KDM4C: variants seen among roughly 807,000 people sequenced by gnomAD.
KDM4C encodes lysine demethylase 4C.
KDM4C carries 81 observed loss-of-function variants against 129.3 expected under a neutral mutation model. The ratio of observed to expected loss-of-function variants is 0.63; its 90% confidence interval spans 0.52 to 0.75. The LOEUF is 0.75. Ranked by LOEUF, KDM4C falls within the 30% of genes least tolerant of loss-of-function variation. KDM4C has a pLI of 0.00. For missense variants in KDM4C, 1,457 were observed against 1,304.0 expected (o/e 1.12, Z -1.81); for synonymous variants, 573 against 456.1 (o/e 1.26, Z -3.26).
chr9:6,933,188 T>A (rs1824080005), intron 8 of KDM4C, among the ~76,000 whole-genome samples: 1 of 152,220 alleles, frequency 6.6e-6, no homozygotes, highest in African/African-American at 2.4e-5. Context: ...ATTCTGGAAT[T>A]TTTCTATGGG....
chr9:7,159,238 C>A (rs914278550), intron 19 of KDM4C, among the ~76,000 whole-genome samples: 3 of 152,160 alleles, frequency 2.0e-5, no homozygotes, highest in Non-Finnish European at 4.4e-5. Flanking sequence ...TGCACATGAG[C>A]TGGGTCTTCC....
intron 8 of KDM4C, among the ~76,000 whole-genome samples, chr9:6,912,997 TTAA>T: frequency 6.6e-6 from 1 of 151,768 alleles, no homozygotes; most frequent in East Asian, 2.0e-4. Context: ...GTTGAGGAAT[TTAA>T]CAAAAAATAA....
intron 8 of KDM4C, among the ~76,000 whole-genome samples, chr9:6,932,236 C>G (rs1177554610): frequency 6.6e-6 from 1 of 152,318 alleles, no homozygotes; most frequent in South Asian, 2.1e-4. Flanking sequence ...CCCTTCAGAA[C>G]AGAGTGGAAG....
chr9:7,155,847 G>C (rs2130230747), intron 19 of KDM4C, among the ~76,000 whole-genome samples: 1 of 152,326 alleles, frequency 6.6e-6, no homozygotes, highest in African/African-American at 2.4e-5. Flanking sequence ...ATAGTAGCAT[G>C]ATTTATAATC....
At chr9:6,899,303 C>G (rs1201654530) in intron 8 of KDM4C, among the ~76,000 whole-genome samples, 2 of 152,008 alleles carry the variant, frequency 1.3e-5, no homozygotes, top group African/African-American at 2.4e-5. Flanking sequence ...GCATTTGTTA[C>G]AAATAAAGAA....
At chr9:6,759,405 G>A (rs1261877593) in intron 1 of KDM4C, among the ~76,000 whole-genome samples, 1 of 152,124 alleles carries the variant, frequency 6.6e-6, no homozygotes, top group Non-Finnish European at 1.5e-5. Context: ...TTTTTATTAG[G>A]AAGCAGTCGG....
At chr9:6,872,834 A>T (rs564099488) in intron 5 of KDM4C, among the ~76,000 whole-genome samples, 22 of 152,266 alleles carry the variant, frequency 1.4e-4, no homozygotes, top group Non-Finnish European at 2.8e-4. Flanking sequence ...TAAGGGTCCT[A>T]TGATTTTTAG....
rs536342524 is a variant in KDM4C, at chr9:6,820,998, G to T, written c.435+6253G>T. Among the ~76,000 whole-genome samples, 484 of 151,536 alleles carry T rather than the reference G, an allele frequency of 3.2e-3. 5 individuals carry two copies. The highest frequency in any genetic ancestry group is 0.011 in the African/African-American group (449 of 41,338). On this transcript the variant is annotated intron_variant, in intron 4 of 21. Transcript: ENST00000381309. ...TGGTTTTCTGTCCTTGTGATAGTTT[G>T]CTGGTAATGATGGTTTATAGCTCCA...
chr9:6,786,855 T>A (rs1825604192), intron 1 of KDM4C, among the ~76,000 whole-genome samples: 1 of 152,170 alleles, frequency 6.6e-6, no homozygotes, highest in Admixed American at 6.6e-5. Context: ...TCAAAAATGA[T>A]CACTGTCACT....
intron 17 of KDM4C, among the ~76,000 whole-genome samples, chr9:7,054,210 C>G (rs1008714087): frequency 6.6e-6 from 1 of 152,296 alleles, no homozygotes; most frequent in African/African-American, 2.4e-5. Context: ...CGTAGCCCAT[C>G]TAGGGGGTTG....
chr9:6,805,423 G>C (rs934273864), intron 2 of KDM4C, among the ~76,000 whole-genome samples, 176 bp from the exon 3 acceptor site: 4 of 150,306 alleles, frequency 2.7e-5, no homozygotes, highest in Admixed American at 2.0e-4. Context: ...AATAAATTTT[G>C]CTATTGAATA....
chr9:6,919,720 C>T (rs901213368), intron 8 of KDM4C, among the ~76,000 whole-genome samples: 62 of 151,744 alleles, frequency 4.1e-4, no homozygotes, highest in Admixed American at 2.6e-3. Context: ...GGACTACAGG[C>T]GTGCACCACC....
chr9:7,125,004 A>G (rs1043402693), intron 18 of KDM4C, among the ~76,000 whole-genome samples: 3 of 152,070 alleles, frequency 2.0e-5, no homozygotes, highest in East Asian at 1.9e-4. Context: ...CCCCTTGTCT[A>G]TGGCCATACA....
chr9:7,070,577 G>A lies in KDM4C; in HGVS notation c.2424+21377G>A, dbSNP rs1340244639. Among the ~76,000 whole-genome samples the A allele has an allele frequency of 2.6e-5, 4 of 152,180 alleles. No individual in the cohort carries two copies. In the East Asian group the frequency reaches 7.7e-4, roughly 29 times the overall value. Reference sequence around the variant, plus strand: ...ATTTAACTTTTTAAAATCAATCAATGTAATTAGCTATAGTAACAGACTAAA... The same window carrying A: ...ATTTAACTTTTTAAAATCAATCAATATAATTAGCTATAGTAACAGACTAAA... On this transcript the variant is annotated intron_variant, in intron 17 of 21. Transcript: ENST00000381309.
intron 8 of KDM4C, among the ~76,000 whole-genome samples, chr9:6,960,636 A>C (rs1829878000): frequency 6.6e-6 from 1 of 152,190 alleles, no homozygotes; most frequent in African/African-American, 2.4e-5. Context: ...CGTAGGGAGA[A>C]AGATGGTTTA....
chr9:6,977,939 C>A (rs1833206956), intron 8 of KDM4C, among the ~76,000 whole-genome samples: 2 of 152,112 alleles, frequency 1.3e-5, no homozygotes, highest in Admixed American at 1.3e-4. Flanking sequence ...TTTGTTGCTT[C>A]CACTTTTTCA....
Position 6,819,099 on chromosome 9 carries a change from A to T in KDM4C, c.435+4354A>T, listed in dbSNP as rs1159016074. 5 of 152,310 alleles carry T rather than the reference A, an allele frequency of 3.3e-5. No individual in the cohort carries two copies. In the East Asian group the frequency reaches 5.8e-4, roughly 18 times the overall value. 9.4% of individuals were successfully genotyped at this position (152,310 alleles called of 1,614,324 possible). The stretch of plus-strand genomic sequence containing the variant: ...TCTTAAGTTTTTTTTCTTTTAAGAT[A>T]ATTAACCTTTTTGTTCCCTTATTTT... On this transcript the variant is annotated intron_variant, in intron 4 of 21. Transcript: ENST00000381309.
intron 1 of KDM4C, among the ~76,000 whole-genome samples, chr9:6,777,750 T>G (rs186186081): frequency 7.4e-4 from 113 of 151,976 alleles, no homozygotes; most frequent in Non-Finnish European, 1.1e-3. Context: ...TAATCAAATG[T>G]AACATTCTTA....
chr9:6,909,453 G>A (rs562782024), intron 8 of KDM4C, among the ~76,000 whole-genome samples: 1 of 152,274 alleles, frequency 6.6e-6, no homozygotes, highest in East Asian at 1.9e-4. Context: ...TGTGCATATT[G>A]GGATAGGAAT....
Sources: allele counts gnomAD v4.1 joint callset (sites outside exome capture counted in the v4.1 genomes callset), GRCh38; gene constraint gnomAD v4.1.1; transcripts MANE v1.5; gene names NCBI Gene and HGNC (gene_info 2026-07-23, HGNC 2026-07-21).